PDE1C: variants seen among roughly 807,000 people sequenced by gnomAD.
PDE1C encodes the protein dual specificity calcium/calmodulin-dependent 3',5'-cyclic nucleotide phosphodiesterase 1C.
A neutral mutation model predicts 93.1 loss-of-function variants in PDE1C; 62 were observed. That is an observed-to-expected ratio of 0.67 (90% CI 0.54 to 0.82). PDE1C has a LOEUF of 0.82. Among genes scored for constraint, PDE1C ranks in the 40% least tolerant of loss-of-function variants. The probability of loss-of-function intolerance (pLI) is 0.00; values close to 1 mark genes in which losing one functional copy is unlikely to be tolerated. For missense variants in PDE1C, 742 were observed against 884.6 expected (o/e 0.84, Z 2.04); for synonymous variants, 325 against 310.1 (o/e 1.05, Z -0.50).
At chr7:31,688,837 A>C in the PDE1C span, among the ~76,000 whole-genome samples, 1 of 152,218 alleles carries the variant, frequency 6.6e-6, no homozygotes, top group East Asian at 1.9e-4. Context: ...ATTCTGTCAA[A>C]CAACCACAAC....
chr7:31,974,759 C>A (rs940696841), intron 2 of PDE1C, among the ~76,000 whole-genome samples: 39 of 152,124 alleles, frequency 2.6e-4, no homozygotes, highest in Admixed American at 2.0e-4. Context: ...GAATTGACTG[C>A]AAATGGAAAT....
chr7:31,832,352 C>G (rs1009834762), intron 11 of PDE1C, among the ~76,000 whole-genome samples: 38 of 152,134 alleles, frequency 2.5e-4, no homozygotes, highest in African/African-American at 8.9e-4. Flanking sequence ...TCTTTAAAGT[C>G]AATATTTCAT....
At chr7:31,617,534 TAA>T in the PDE1C span, among the ~76,000 whole-genome samples, 3 of 152,266 alleles carry the variant, frequency 2.0e-5, no homozygotes, top group Non-Finnish European at 2.9e-5. Context: ...TGAGTGGAGA[TAA>T]GAGTTCAGAC....
chr7:31,920,675 C>A (rs1255029430), intron 2 of PDE1C, among the ~76,000 whole-genome samples: 2 of 152,032 alleles, frequency 1.3e-5, no homozygotes, highest in African/African-American at 4.8e-5. Context: ...ATAGGATACA[C>A]AAATAATTAA....
intron 1 of PDE1C, among the ~76,000 whole-genome samples, chr7:32,277,999 G>GAAAC (rs1235395437): frequency 6.6e-6 from 1 of 151,770 alleles, no homozygotes; most frequent in African/African-American, 2.4e-5. Context: ...TGTCCTAATG[G>GAAAC]AAACAGGAAA....
intron 1 of PDE1C, among the ~76,000 whole-genome samples, chr7:32,336,978 C>T (rs1020137754): frequency 1.3e-4 from 20 of 152,188 alleles, no homozygotes; most frequent in African/African-American, 4.8e-4. Flanking sequence ...CCTGAGTCAT[C>T]TTACACCCCG....
the PDE1C span, among the ~76,000 whole-genome samples, chr7:31,689,902 C>G: frequency 6.6e-6 from 1 of 152,202 alleles, no homozygotes; most frequent in Non-Finnish European, 1.5e-5. Context: ...CCTTAGCAAA[C>G]AGTCTTGCTG....
downstream of PDE1C, among the ~76,000 whole-genome samples, chr7:31,750,486 T>C (rs1437774506): frequency 2.0e-5 from 3 of 152,224 alleles, no homozygotes; most frequent in African/African-American, 7.2e-5. Context: ...CTAACTTCTT[T>C]TTACCATACT....
intron 1 of PDE1C, among the ~76,000 whole-genome samples, chr7:32,369,089 AT>A (rs1184166495): frequency 2.6e-5 from 4 of 152,204 alleles, no homozygotes; most frequent in African/African-American, 9.6e-5. Flanking sequence ...CTGGGAAAAG[AT>A]TTTATGAATA....
At chr7:32,071,544 T>G, upstream of PDE1C, 1 of 428,234 alleles carries the variant, frequency 2.3e-6, no homozygotes, top group Non-Finnish European at 3.0e-6. Context: ...AAGGAGAAAA[T>G]ATACCAATAG....
chr7:31,997,323 C>T (rs999539817), intron 2 of PDE1C, among the ~76,000 whole-genome samples: 1 of 152,190 alleles, frequency 6.6e-6, no homozygotes. Flanking sequence ...GGTAAAGGAT[C>T]TTACACAGTA....
intron 2 of PDE1C, among the ~76,000 whole-genome samples, chr7:32,044,767 G>T (rs569657351): frequency 6.6e-6 from 1 of 152,178 alleles, no homozygotes; most frequent in Admixed American, 6.5e-5. Flanking sequence ...AAGGGGCTCA[G>T]AAGTTTTGAT....
intron 1 of PDE1C, among the ~76,000 whole-genome samples, chr7:32,348,997 A>C (rs959613288): frequency 6.6e-6 from 1 of 152,248 alleles, no homozygotes; most frequent in Non-Finnish European, 1.5e-5. Context: ...TCCTTGAAGA[A>C]GACAGTCTAA....
chr7:32,042,569 C>T (rs1791971074), intron 2 of PDE1C, among the ~76,000 whole-genome samples: 1 of 152,158 alleles, frequency 6.6e-6, no homozygotes, highest in Admixed American at 6.5e-5. Flanking sequence ...GTAGGGGGCC[C>T]TCTGGACATA....
the PDE1C span, chr7:31,652,381 T>C: frequency 1.5e-6 from 2 of 1,326,394 alleles, no homozygotes; most frequent in African/African-American, 3.0e-5. Flanking sequence ...TAAGTCACTA[T>C]CAGAATCTGC....
intron 1 of PDE1C, among the ~76,000 whole-genome samples, chr7:32,244,354 A>G (rs1808760474): frequency 6.6e-6 from 1 of 152,244 alleles, no homozygotes; most frequent in South Asian, 2.1e-4. Flanking sequence ...CCTAAAGGCC[A>G]TGCAGCCAAA....
chr7:31,851,862 T>C (rs1451157383), intron 7 of PDE1C, among the ~76,000 whole-genome samples: 1 of 152,190 alleles, frequency 6.6e-6, no homozygotes, highest in African/African-American at 2.4e-5. Context: ...AACACATTTA[T>C]AGAAAAGTTA....
intron 2 of PDE1C, among the ~76,000 whole-genome samples, chr7:32,040,270 T>A (rs1791638209): frequency 6.6e-6 from 1 of 152,252 alleles, no homozygotes; most frequent in African/African-American, 2.4e-5. Context: ...ACAAGGTAAG[T>A]ATGTTATTCT....
At chr7:31,680,004 A>G in the PDE1C span, among the ~76,000 whole-genome samples, 1 of 152,230 alleles carries the variant, frequency 6.6e-6, no homozygotes, top group African/African-American at 2.4e-5. Context: ...CATGTGCTGC[A>G]GGTGGTAACC....
Sources: gnomAD v4.1 joint callset for allele counts (sites outside exome capture counted in the v4.1 genomes callset) on GRCh38, gnomAD v4.1.1 for gene constraint, MANE v1.5 for transcripts, NCBI Gene and HGNC (gene_info 2026-07-23, HGNC 2026-07-21) for gene names.